The following SGCD variants were observed in gnomAD, a reference collection of about 807,000 sequenced individuals.
SGCD encodes sarcoglycan delta, also known as delta-sarcoglycan.
SGCD carries 18 observed loss-of-function variants against 36.6 expected under a neutral mutation model. That is an observed-to-expected ratio of 0.49 (90% confidence interval 0.34 to 0.73). The LOEUF is 0.73. Ranked by LOEUF, SGCD falls within the 30% of genes least tolerant of loss-of-function variation. The pLI, the probability that SGCD is intolerant of heterozygous loss-of-function variation, is 0.01. For missense variants in SGCD, 387 were observed against 346.7 expected (o/e 1.12, Z -0.92); for synonymous variants, 133 against 130.6 (o/e 1.02, Z -0.12).
At chr5:155,914,511 T>C (rs888471783) in intron 1 of SGCD, among the ~76,000 whole-genome samples, 1 of 152,254 alleles carries the variant, frequency 6.6e-6, no homozygotes, top group East Asian at 1.9e-4. Flanking sequence ...CAGCATTCCA[T>C]ATGATAGATA....
At chr5:155,971,922 T>A (rs1447032684) in intron 1 of SGCD, among the ~76,000 whole-genome samples, 2 of 152,194 alleles carry the variant, frequency 1.3e-5, no homozygotes, top group African/African-American at 2.4e-5. Context: ...TAGTCTTTTT[T>A]AATCATGGGT....
upstream of SGCD, among the ~76,000 whole-genome samples, chr5:156,324,556 G>A (rs1169421660): frequency 6.6e-6 from 1 of 152,082 alleles, no homozygotes; most frequent in Non-Finnish European, 1.5e-5. Flanking sequence ...TATAAAGCTG[G>A]GTCTCAAACT....
At chr5:156,369,653 G>T (rs758013846) in intron 3 of SGCD, among the ~76,000 whole-genome samples, 11 of 152,172 alleles carry the variant, frequency 7.2e-5, no homozygotes, top group Non-Finnish European at 1.5e-4. Flanking sequence ...AGAGGCATTT[G>T]ATAGTAATTA....
the SGCD span, among the ~76,000 whole-genome samples, chr5:155,795,279 T>C: frequency 6.6e-6 from 1 of 152,134 alleles, no homozygotes; most frequent in African/African-American, 2.4e-5. Context: ...AAAGCAATGA[T>C]GATGTCTTAT....
chr5:156,700,112 T>C (rs1754472270), intron 7 of SGCD, among the ~76,000 whole-genome samples: 1 of 152,176 alleles, frequency 6.6e-6, no homozygotes, highest in African/African-American at 2.4e-5. Context: ...GTCAATCTAA[T>C]TCTTTGTCTA....
At chr5:155,934,201 G>T (rs1396741788) in intron 1 of SGCD, among the ~76,000 whole-genome samples, 1 of 152,192 alleles carries the variant, frequency 6.6e-6, no homozygotes, top group Non-Finnish European at 1.5e-5. Context: ...GTTGCCAGGT[G>T]CAGAGCCACA....
chr5:156,413,712 A>G (rs558017511), intron 3 of SGCD, among the ~76,000 whole-genome samples: 4 of 152,362 alleles, frequency 2.6e-5, no homozygotes, highest in South Asian at 4.1e-4. Flanking sequence ...TAGTTGTTCA[A>G]TTATGAGTTA....
chr5:156,079,246 A>G (rs1320833840), intron 1 of SGCD, among the ~76,000 whole-genome samples: 1 of 152,064 alleles, frequency 6.6e-6, no homozygotes, highest in African/African-American at 2.4e-5. Flanking sequence ...GCCACGAGGG[A>G]TCTGCCCCGC....
chr5:156,116,104 G>A (rs1024284477), intron 1 of SGCD, among the ~76,000 whole-genome samples: 69 of 151,878 alleles, frequency 4.5e-4, no homozygotes, highest in Non-Finnish European at 2.1e-4. Context: ...TCTACAAATG[G>A]AAACTTTTAT....
chr5:155,777,809 T>C, the SGCD span, among the ~76,000 whole-genome samples: 16 of 152,264 alleles, frequency 1.1e-4, no homozygotes, highest in Non-Finnish European at 2.1e-4. Flanking sequence ...TGTGTTTGTT[T>C]GTTATTCAAT....
the SGCD span, among the ~76,000 whole-genome samples, chr5:155,842,073 T>C: frequency 1.3e-5 from 2 of 151,922 alleles, no homozygotes; most frequent in African/African-American, 4.8e-5. Context: ...AGACTCAGCT[T>C]GAAAATGAAG....
chr5:156,080,284 G>T (rs945763502), intron 1 of SGCD, among the ~76,000 whole-genome samples: 3 of 152,134 alleles, frequency 2.0e-5, no homozygotes, highest in African/African-American at 2.4e-5. Context: ...TTAGGTCTCT[G>T]GGCTTGTGAT....
chr5:156,126,704 G>GTGTCTTT, intron 3 of SGCD, among the ~76,000 whole-genome samples: 1 of 152,320 alleles, frequency 6.6e-6, no homozygotes, highest in Non-Finnish European at 1.5e-5. Flanking sequence ...TTCAAGTGCA[G>GTGTCTTT]ACACTATTAA....
In SGCD at chr5:156,050,344, G is replaced by A. The variant is rs1162221850; in HGVS notation, c.-281-67534G>A. ...ATTATGACTTGCTGAAGACTCAGACGCTAGTTAGTGTTTTTTACTAATAAA... is the reference window on the plus strand; with the variant it reads ...ATTATGACTTGCTGAAGACTCAGACACTAGTTAGTGTTTTTTACTAATAAA... On this transcript the variant is annotated intron_variant, in intron 1 of 9. Coordinates refer to the SGCD transcript ENST00000517913. Among the ~76,000 whole-genome samples the A allele has an allele frequency of 3.4e-5, 5 of 146,564 alleles. 1 individual carries two copies. The highest frequency in any genetic ancestry group is 9.8e-5 in the African/African-American group (4 of 40,710).
chr5:156,609,568 T>C (rs2113453514), intron 6 of SGCD, among the ~76,000 whole-genome samples: 1 of 152,342 alleles, frequency 6.6e-6, no homozygotes, highest in East Asian at 1.9e-4. Flanking sequence ...ATTCTCTGTA[T>C]TTCCTGAATT....
chr5:156,500,329 C>A (rs767908258), intron 3 of SGCD, among the ~76,000 whole-genome samples: 12 of 152,176 alleles, frequency 7.9e-5, no homozygotes, highest in Non-Finnish European at 1.6e-4. Flanking sequence ...ACTGAGACTA[C>A]AGCAGTGAAT....
At chr5:155,855,107 G>A in the SGCD span, among the ~76,000 whole-genome samples, 4 of 152,148 alleles carry the variant, frequency 2.6e-5, no homozygotes, top group African/African-American at 4.8e-5. Context: ...ACTCTGGACC[G>A]ACCTTTAACT....
At chr5:156,743,216 A>G (rs1756779459) in intron 7 of SGCD, among the ~76,000 whole-genome samples, 1 of 148,946 alleles carries the variant, frequency 6.7e-6, no homozygotes, top group African/African-American at 2.5e-5. Flanking sequence ...GGTTCAAGCG[A>G]TTCTCCTGCC....
At chr5:156,594,835 A>G in intron 5 of SGCD, 97 bp from the exon 6 acceptor site, 4 of 798,776 alleles carry the variant, frequency 5.0e-6, no homozygotes, top group Non-Finnish European at 8.2e-6. Flanking sequence ...GTGTTCTATG[A>G]AAAGCTTTTT....
Sources: gnomAD v4.1 joint callset for allele counts (sites outside exome capture counted in the v4.1 genomes callset) on GRCh38, gnomAD v4.1.1 for gene constraint, MANE v1.5 for transcripts, NCBI Gene and HGNC (gene_info 2026-07-23, HGNC 2026-07-21) for gene names.